Variants in DLG2 observed in about 807,000 individuals in gnomAD.
DLG2 encodes discs large MAGUK scaffold protein 2.
In DLG2, 45 loss-of-function variants were observed where a neutral mutation model predicts 132.5. The observed-to-expected ratio is 0.34, with a 90% CI of 0.27 to 0.44. The LOEUF (loss-of-function observed/expected upper bound fraction) is 0.44. Among genes scored for constraint, DLG2 ranks in the 20% least tolerant of loss-of-function variants. The pLI is 1.00. For missense variants in DLG2, 1,045 were observed against 1,196.9 expected, an observed-to-expected ratio of 0.87 and a Z score of 1.87; for synonymous variants, 424 against 419.6, an observed-to-expected ratio of 1.01 and a Z score of -0.13.
intron 4 of DLG2, among the ~76,000 whole-genome samples, chr11:85,237,629 C>A (rs1301233754): frequency 1.3e-5 from 2 of 152,024 alleles, no homozygotes; most frequent in Non-Finnish European, 2.9e-5. Flanking sequence ...AACTGAGTTC[C>A]TGATCATGAC....
chr11:85,132,759 C>G, intron 5 of DLG2: 1 of 456,686 alleles, frequency 2.2e-6, no homozygotes, highest in South Asian at 1.5e-5. Flanking sequence ...GCCCTGTTTC[C>G]TATCCTACCT....
intron 7 of DLG2, chr11:84,273,346 C>T (rs913492285): frequency 3.1e-6 from 4 of 1,301,190 alleles, no homozygotes; most frequent in African/African-American, 3.2e-5. Context: ...AGATCTGTTA[C>T]ATAAACTTCT....
At chr11:84,614,577 G>A (rs550864387) in intron 6 of DLG2, among the ~76,000 whole-genome samples, 2 of 152,336 alleles carry the variant, frequency 1.3e-5, no homozygotes, top group Admixed American at 1.3e-4. Context: ...TGTCAGTAAA[G>A]TGAACTGTAG....
chr11:84,260,667 T>C (rs2097538337), intron 7 of DLG2, among the ~76,000 whole-genome samples: 1 of 152,192 alleles, frequency 6.6e-6, no homozygotes, highest in African/African-American at 2.4e-5. Context: ...CCCAGAAGGA[T>C]TGACGGAACT....
At chr11:83,906,306 CA>C (rs1565586443) in intron 15 of DLG2, among the ~76,000 whole-genome samples, 36 of 138,490 alleles carry the variant, frequency 2.6e-4, no homozygotes, top group South Asian at 1.0e-3. Context: ...CACACACACA[CA>C]CACACACACA....
rs534141325 is a variant in DLG2 at position 85,016,113 on chromosome 11, TTAAG to T, written c.357+95544_357+95547del. 5.3e-5 allele frequency among the ~76,000 whole-genome samples: 8 copies of T among 152,274 alleles called. No individual in the cohort carries two copies. In the South Asian group the frequency reaches 1.2e-3, roughly 24 times the overall value. On this transcript the variant is annotated intron_variant, in intron 6 of 27. Coordinates refer to ENST00000376104, the MANE Select transcript of DLG2 (RefSeq NM_001142699.3). ...AATCCCCATGTTGCTCCTACTGAAA[TTAAG>T]TAAGGGTAATTTCATATAATAATAT... is the stretch of plus-strand genomic sequence containing the variant.
intron 7 of DLG2, among the ~76,000 whole-genome samples, chr11:84,529,497 C>T (rs1565204511): frequency 6.6e-6 from 1 of 152,110 alleles, no homozygotes; most frequent in Non-Finnish European, 1.5e-5. Context: ...TATCTACCAA[C>T]AACATCCAAG....
At chr11:83,747,875 C>G (rs1025781573) in intron 18 of DLG2, among the ~76,000 whole-genome samples, 1 of 152,046 alleles carries the variant, frequency 6.6e-6, no homozygotes, top group African/African-American at 2.4e-5. Flanking sequence ...TTTTATTTTA[C>G]AAACACTCAT....
At chr11:84,056,156 A>G (rs2096494683) in intron 11 of DLG2, among the ~76,000 whole-genome samples, 1 of 151,950 alleles carries the variant, frequency 6.6e-6, no homozygotes, top group African/African-American at 2.4e-5. Flanking sequence ...TGCTGCACCT[A>G]TCAACCCATC....
intron 22 of DLG2, chr11:83,480,741 A>T: frequency 1.1e-6 from 1 of 892,646 alleles, no homozygotes; most frequent in Non-Finnish European, 1.8e-6. Flanking sequence ...GATTTATGTG[A>T]CAATGACTAG....
intron 18 of DLG2, among the ~76,000 whole-genome samples, chr11:83,680,717 G>A (rs997338224): frequency 1.1e-4 from 16 of 152,092 alleles, no homozygotes; most frequent in Non-Finnish European, 2.4e-4. Context: ...GAACAAAAAA[G>A]TGTTCCTGAA....
intron 3 of DLG2, among the ~76,000 whole-genome samples, chr11:85,538,852 G>T (rs748477211): frequency 2.6e-5 from 4 of 151,746 alleles, no homozygotes; most frequent in Non-Finnish European, 5.9e-5. Flanking sequence ...TGGAACAGGG[G>T]AAGGAGGAAC....
At chr11:85,379,022 G>C (rs2152927755) in intron 3 of DLG2, among the ~76,000 whole-genome samples, 1 of 152,150 alleles carries the variant, frequency 6.6e-6, no homozygotes, top group East Asian at 1.9e-4. Context: ...GCAAAACAAA[G>C]CAAATAATAC....
chr11:85,399,816 A>C (rs1408674273), intron 3 of DLG2, among the ~76,000 whole-genome samples: 1 of 152,088 alleles, frequency 6.6e-6, no homozygotes, highest in Admixed American at 6.6e-5. Context: ...TAGACCTAAA[A>C]CCATAAAAAC....
At chr11:84,201,097 CTT>C (rs1449770324) in intron 8 of DLG2, among the ~76,000 whole-genome samples, 1 of 151,996 alleles carries the variant, frequency 6.6e-6, no homozygotes, top group Non-Finnish European at 1.5e-5. Flanking sequence ...ACATATGGCT[CTT>C]ATTATTTTGA....
chr11:85,151,185 A>C (rs974089451), intron 5 of DLG2, among the ~76,000 whole-genome samples: 2 of 152,172 alleles, frequency 1.3e-5, no homozygotes, highest in African/African-American at 4.8e-5. Context: ...TTTTCTATTC[A>C]AGTCTTTTGT....
chr11:84,743,959 C>T (rs1221176281), intron 6 of DLG2, among the ~76,000 whole-genome samples: 1 of 152,028 alleles, frequency 6.6e-6, no homozygotes, highest in Non-Finnish European at 1.5e-5. Flanking sequence ...CTCCTGACCT[C>T]GTGATCCACC....
chr11:85,509,695 T>C (rs977588625), intron 3 of DLG2, among the ~76,000 whole-genome samples: 2 of 152,082 alleles, frequency 1.3e-5, no homozygotes, highest in Admixed American at 6.6e-5. Flanking sequence ...ATACCTGCCA[T>C]GAGTCAGGTG....
intron 3 of DLG2, among the ~76,000 whole-genome samples, chr11:85,462,968 T>C (rs995863451): frequency 6.6e-6 from 1 of 152,120 alleles, no homozygotes; most frequent in Non-Finnish European, 1.5e-5. Flanking sequence ...TCTTCACACA[T>C]GCATAAAGAA....
Sources: allele counts gnomAD v4.1 joint callset (sites outside exome capture counted in the v4.1 genomes callset), GRCh38; gene constraint gnomAD v4.1.1; transcripts MANE v1.5; gene names NCBI Gene and HGNC (gene_info 2026-07-23, HGNC 2026-07-21).